The following PRDM16 variants were observed in gnomAD, a reference collection of about 807,000 sequenced individuals.
PRDM16 encodes PR/SET domain 16.
PRDM16 carries 23 observed loss-of-function variants against 110.6 expected under a neutral mutation model. The ratio of observed to expected loss-of-function variants is 0.21; its 90% confidence interval spans 0.15 to 0.29. The LOEUF is 0.29. PRDM16 is among the 10% of genes least tolerant of loss of function. The pLI, the probability that PRDM16 is intolerant of heterozygous loss-of-function variation, is 1.00. For missense variants in PRDM16, 1,615 were observed against 1,794.3 expected (o/e 0.90, Z 1.81); for synonymous variants, 799 against 781.8 (o/e 1.02, Z -0.37).
intron 8 of PRDM16, among the ~76,000 whole-genome samples, chr1:3,408,791 G>GGT (rs538500653): frequency 0.013 from 1,445 of 110,264 alleles, 32 homozygotes; most frequent in African/African-American, 0.06. Flanking sequence ...CGCGTGAGCC[G>GGT]GTGCGTGTGT....
At chr1:3,133,183 C>T (rs555308380) in intron 1 of PRDM16, 11 of 152,374 alleles carry the variant, frequency 7.2e-5, no homozygotes, top group African/African-American at 2.4e-4. Flanking sequence ...GGTCAGATGC[C>T]TGGGAGACTC....
chr1:3,374,201 C>T (rs1569601687), intron 3 of PRDM16, among the ~76,000 whole-genome samples: 5 of 152,318 alleles, frequency 3.3e-5, no homozygotes, highest in East Asian at 3.9e-4. Context: ...ACCCCTGCCC[C>T]GAAACCAGCA....
Position 3,434,018 on chromosome 1 carries a change from A to C in PRDM16, c.*207A>C, listed in dbSNP as rs1410973441. 1 of 579,290 alleles carries C rather than the reference A, an allele frequency of 1.7e-6. No individual in the cohort carries two copies. Among genetic ancestry groups the C allele is most frequent in the Non-Finnish European group, 3.0e-6 (1 of 331,372 alleles). 35.9% of individuals were successfully genotyped at this position (579,290 alleles called of 1,614,324 possible). A position where few individuals can be genotyped will look rare whatever the true frequency, so the allele number is the denominator to read the frequency against. On this transcript the variant is annotated 3_prime_UTR_variant, in exon 17 of 17. Transcript: ENST00000270722. ...TCGTAGAGTCTCACCATCTCCAAGG[A>C]TTGGTCTTGAGAACACTGTTCAGTG...
rs989200756 is a variant in PRDM16 at position 3,206,053 on chromosome 1, C to A, written c.387+19579C>A. The A allele has an allele frequency of 6.6e-6, 1 of 152,268 alleles. No individual in the cohort carries two copies. The highest frequency in any genetic ancestry group is 2.4e-5 in the African/African-American group (1 of 41,456). The allele number at this position is 152,268 out of a possible 1,614,324, so 9.4% of individuals were successfully genotyped here. On this transcript the variant is annotated intron_variant, in intron 2 of 16. Coordinates refer to ENST00000270722, the MANE Select transcript of PRDM16 (RefSeq NM_022114.4). The surrounding 1 kb of genome is among the most constrained non-coding windows in gnomAD (Gnocchi z 4.9). ...TGTGAGCGAGACCGGGGCTAACAGC[C>A]CCCTACCTGCGTTCCCCATGACCGG...
chr1:3,072,387 C>G (rs1641786473), intron 1 of PRDM16, among the ~76,000 whole-genome samples: 2 of 152,154 alleles, frequency 1.3e-5, no homozygotes, highest in South Asian at 4.1e-4. Context: ...CTGATCCCCA[C>G]CTAGGTGGCA....
intron 2 of PRDM16, 162 bp downstream of exon 2, chr1:3,186,636 G>A: frequency 1.8e-6 from 1 of 568,924 alleles, no homozygotes; most frequent in Non-Finnish European, 3.0e-6. Flanking sequence ...CAGCTCGCCT[G>A]ATGCGACTCA....
intron 4 of PRDM16, among the ~76,000 whole-genome samples, chr1:3,391,742 CTGT>C (rs1158042498): frequency 3.9e-5 from 6 of 152,250 alleles, no homozygotes; most frequent in Non-Finnish European, 7.3e-5. Context: ...GAGGATAGGA[CTGT>C]CTATAGTCTG....
chr1:3,402,578 G>A (rs1195122890), intron 5 of PRDM16, among the ~76,000 whole-genome samples: 2 of 152,190 alleles, frequency 1.3e-5, no homozygotes, highest in Non-Finnish European at 2.9e-5. Context: ...CTTTGGTCCT[G>A]CCCAGGGCTG....
At chr1:3,307,593 T>A (rs1043482098) in intron 3 of PRDM16, 2 of 152,196 alleles carry the variant, frequency 1.3e-5, no homozygotes, top group Non-Finnish European at 2.9e-5. Flanking sequence ...TGACTAACGT[T>A]CTCAGTCATG....
chr1:3,123,154 G>A (rs981246345), intron 1 of PRDM16, among the ~76,000 whole-genome samples: 4 of 152,238 alleles, frequency 2.6e-5, no homozygotes, highest in Admixed American at 6.5e-5. Context: ...GCAGGCCCAA[G>A]CCTTCGGCGC....
At chr1:3,240,278 T>G (rs1639639283) in intron 2 of PRDM16, among the ~76,000 whole-genome samples, 1 of 150,720 alleles carries the variant, frequency 6.6e-6, no homozygotes, top group Non-Finnish European at 1.5e-5. Flanking sequence ...TTAGCCGGGA[T>G]GGTGGTGTGC....
intron 1 of PRDM16, among the ~76,000 whole-genome samples, chr1:3,179,729 G>A (rs542058841): frequency 2.6e-5 from 4 of 152,322 alleles, no homozygotes; most frequent in Non-Finnish European, 5.9e-5. Context: ...GCTGGCCTCC[G>A]CCTTGCCCTG....
chr1:3,302,454 T>C (rs1274171409), intron 3 of PRDM16, among the ~76,000 whole-genome samples: 1 of 152,164 alleles, frequency 6.6e-6, no homozygotes, highest in Non-Finnish European at 1.5e-5. Context: ...AGTAGACTTG[T>C]TGGATTCAGG....
intron 2 of PRDM16, among the ~76,000 whole-genome samples, chr1:3,211,029 T>A (rs1388201215): frequency 2.0e-5 from 3 of 152,244 alleles, no homozygotes; most frequent in African/African-American, 7.2e-5. Flanking sequence ...TTCATACATT[T>A]ATTAGTTTAG....
intron 3 of PRDM16, among the ~76,000 whole-genome samples, chr1:3,281,841 G>A (rs917457484): frequency 2.0e-5 from 3 of 152,386 alleles, no homozygotes; most frequent in African/African-American, 7.2e-5. Flanking sequence ...CCAGGGATAA[G>A]GAGCAGGCAG....
intron 2 of PRDM16, among the ~76,000 whole-genome samples, chr1:3,198,054 C>G (rs769985709): frequency 2.0e-4 from 31 of 152,214 alleles, no homozygotes; most frequent in Non-Finnish European, 4.4e-4. Context: ...GGTGACGCAA[C>G]TGCTCACAGG....
rs1278907196 is a variant in PRDM16, at chr1:3,425,857, A to G, written c.3109+107A>G. 7.1e-7 allele frequency: 1 copy of G among 1,414,734 alleles called. No individual in the cohort carries two copies. Among genetic ancestry groups the G allele is most frequent in the African/African-American group, 1.4e-5 (1 of 70,566 alleles). The allele number at this position is 1,414,734 out of a possible 1,614,324, so 87.6% of individuals were successfully genotyped here. ...TGGGCGCCGGGCAGGGAAGAGGGCC[A>G]CAGACTACCCCTCAGGAAGCCAACA... On this transcript the variant is annotated intron_variant, in intron 13 of 16. Coordinates refer to ENST00000270722, the MANE Select transcript of PRDM16 (RefSeq NM_022114.4). The surrounding 1 kb of genome is among the most constrained non-coding windows in gnomAD (Gnocchi z 6.9).
chr1:3,244,255 A>C lies in PRDM16; in HGVS notation c.438+118A>C. 1 of 929,856 alleles carries C rather than the reference A, an allele frequency of 1.1e-6. No individual in the cohort carries two copies. Among genetic ancestry groups the C allele is most frequent in the Non-Finnish European group, 1.7e-6 (1 of 586,564 alleles). The allele number at this position is 929,856 out of a possible 1,614,324, so 57.6% of individuals were successfully genotyped here. On this transcript the variant is annotated intron_variant, in intron 3 of 16. Coordinates refer to ENST00000270722, the MANE Select transcript of PRDM16 (RefSeq NM_022114.4). The surrounding 1 kb of genome is among the most constrained non-coding windows in gnomAD (Gnocchi z 4.1). ...AGCGTGTAGTCGGAATGTTGCTGGC[A>C]GGCCCCGAGCAATGTGTTATCTGTG...
At chr1:3,411,337 C>T (rs766836784) in intron 8 of PRDM16, 47 bp from the exon 9 acceptor site, 420 of 1,562,018 alleles carry the variant, frequency 2.7e-4, no homozygotes, top group Non-Finnish European at 3.4e-4. Context: ...AGCAGGGTTT[C>T]CCGGTCATTT....
Sources: allele counts gnomAD v4.1 joint callset (sites outside exome capture counted in the v4.1 genomes callset), GRCh38; gene constraint gnomAD v4.1.1; non-coding constraint Gnocchi (gnomAD v3.1); transcripts MANE v1.5; gene names NCBI Gene and HGNC (gene_info 2026-07-23, HGNC 2026-07-21).